The following MITF variants were observed in gnomAD, a reference collection of about 807,000 sequenced individuals.
MITF encodes the protein microphthalmia-associated transcription factor.
A neutral mutation model predicts 60.5 loss-of-function variants in MITF; 17 were observed. That is an observed-to-expected ratio of 0.28 (90% CI 0.19 to 0.42). The LOEUF is 0.42. MITF is among the 10% of genes least tolerant of loss of function. The probability of loss-of-function intolerance (pLI) is 1.00; values close to 1 mark genes in which losing one functional copy is unlikely to be tolerated. For synonymous variants in MITF, 260 were observed against 248.5 expected, an observed-to-expected ratio of 1.05 and a Z score of -0.43; for missense variants, 622 against 683.5, an observed-to-expected ratio of 0.91 and a Z score of 1.00.
At chr3:69,877,477 T>C (rs2064382049) in intron 1 of MITF, among the ~76,000 whole-genome samples, 1 of 152,122 alleles carries the variant, frequency 6.6e-6, no homozygotes, top group South Asian at 2.1e-4. Context: ...CCTTGGATCT[T>C]ACCTTAAATA....
In MITF at chr3:69,806,177, C is replaced by T. The variant is rs969865957; in HGVS notation, c.104+66476C>T. Among the ~76,000 whole-genome samples the T allele has an allele frequency of 4.6e-5, 7 of 151,512 alleles. 1 individual carries two copies. The highest frequency in any genetic ancestry group is 2.0e-4 in the Admixed American group (3 of 15,226). On this transcript the variant is annotated intron_variant, in intron 1 of 9. Transcript: ENST00000352241. ...TCGGCTCACTGCAACTTCTGCCTCC[C>T]GGGTTCAAGTGATTCTCCTGCCTCA...
At chr3:69,815,031 C>A (rs1223557639) in intron 1 of MITF, among the ~76,000 whole-genome samples, 1 of 152,138 alleles carries the variant, frequency 6.6e-6, no homozygotes, top group East Asian at 1.9e-4. Flanking sequence ...GGCTCGGGGC[C>A]TCAGGTTTAT....
At chr3:69,947,406 T>C in intron 5 of MITF, among the ~76,000 whole-genome samples, 1 of 152,218 alleles carries the variant, frequency 6.6e-6, no homozygotes, top group Non-Finnish European at 1.5e-5. Context: ...CCTTTCACTT[T>C]GCGTTAAATT....
chr3:69,764,617 T>C (rs1295142758), intron 1 of MITF, among the ~76,000 whole-genome samples: 1 of 152,192 alleles, frequency 6.6e-6, no homozygotes, highest in African/African-American at 2.4e-5. Flanking sequence ...GGAGTCTCAC[T>C]CCTGATTTTG....
intron 1 of MITF, among the ~76,000 whole-genome samples, chr3:69,821,690 T>TAAAAAAAAAAAAAAAAAAAAAAA (rs72371556): frequency 8.8e-6 from 1 of 113,238 alleles, no homozygotes. Context: ...AAAAAAAAAC[T>TAAAAAAAAAAAAAAAAAAAAAAA]AAAAAAAAAA....
intron 1 of MITF, among the ~76,000 whole-genome samples, chr3:69,777,056 C>T (rs1262918611): frequency 6.6e-6 from 1 of 152,162 alleles, no homozygotes; most frequent in Non-Finnish European, 1.5e-5. Flanking sequence ...GTCTTATAAT[C>T]ATGCATTTGC....
At chr3:69,742,897 A>G (rs1357979629) in intron 1 of MITF, among the ~76,000 whole-genome samples, 1 of 152,026 alleles carries the variant, frequency 6.6e-6, no homozygotes, top group African/African-American at 2.4e-5. Context: ...TTCTTTGTCC[A>G]GCTATATATT....
chr3:69,855,575 A>G (rs1193486343), intron 1 of MITF, among the ~76,000 whole-genome samples: 1 of 151,992 alleles, frequency 6.6e-6, no homozygotes, highest in Non-Finnish European at 1.5e-5. Flanking sequence ...TTTTTCAAGT[A>G]CAACACAAAA....
At chr3:69,821,941 C>T (rs2063282376) in intron 1 of MITF, among the ~76,000 whole-genome samples, 1 of 152,080 alleles carries the variant, frequency 6.6e-6, no homozygotes, top group Non-Finnish European at 1.5e-5. Context: ...TGGGGTTTCG[C>T]CATGTTGGCC....
chr3:69,743,597 A>G (rs947719538), intron 1 of MITF, among the ~76,000 whole-genome samples: 2 of 152,338 alleles, frequency 1.3e-5, no homozygotes, highest in Admixed American at 6.5e-5. Flanking sequence ...AAGGCTGTGT[A>G]TAGGAAGACA....
At position 69,801,950 on chromosome 3, in the gene MITF, A is replaced by G. The variant is rs114796994; in HGVS notation, c.104+62249A>G. On this transcript the variant is annotated intron_variant, in intron 1 of 9. Coordinates refer to ENST00000352241, the MANE Select transcript of MITF (RefSeq NM_001354604.2). ...GATTTGTCTCTATTCTGTGCCTGGCATGTAATAGGCCCTCAATAAACATGG... is the reference window on the plus strand; with the variant it reads ...GATTTGTCTCTATTCTGTGCCTGGCGTGTAATAGGCCCTCAATAAACATGG... Among the ~76,000 whole-genome samples the G allele has an allele frequency of 6.6e-3, 999 of 152,274 alleles. 8 individuals are homozygous for G. The highest frequency in any genetic ancestry group is 0.023 in the African/African-American group (942 of 41,556).
intron 2 of MITF, among the ~76,000 whole-genome samples, chr3:69,890,001 G>A (rs1446114139): frequency 2.0e-5 from 3 of 151,938 alleles, no homozygotes; most frequent in Non-Finnish European, 4.4e-5. Context: ...ATCACATAAT[G>A]ATTTACAATT....
chr3:69,825,987 A>G (rs1313124376), intron 1 of MITF, among the ~76,000 whole-genome samples: 4 of 152,252 alleles, frequency 2.6e-5, no homozygotes, highest in African/African-American at 4.8e-5. Context: ...TTTAGTCCAC[A>G]TTAAAAGAAT....
chr3:69,936,638 T>C lies in MITF; in HGVS notation c.355-1184T>C, dbSNP rs2065841495. On this transcript the variant is annotated intron_variant, in intron 2 of 9. Transcript: ENST00000352241. The stretch of plus-strand genomic sequence containing the variant: ...GTTTATAGTACCTTCTCTTTGCCAG[T>C]CCATCTTCAAATTGGAATTATAGAA... The C allele has an allele frequency of 2.5e-6, 4 of 1,595,302 alleles. No individual in the cohort carries two copies. In the Admixed American group the frequency reaches 6.9e-5, roughly 27 times the overall value.
chr3:69,858,843 A>G (rs1323210520), intron 1 of MITF, among the ~76,000 whole-genome samples: 2 of 152,150 alleles, frequency 1.3e-5, no homozygotes, highest in Non-Finnish European at 2.9e-5. Flanking sequence ...TTTGCCCTAG[A>G]ATTTAAAGTT....
At chr3:69,749,644 G>A (rs1703855710) in intron 1 of MITF, among the ~76,000 whole-genome samples, 1 of 152,198 alleles carries the variant, frequency 6.6e-6, no homozygotes, top group African/African-American at 2.4e-5. Flanking sequence ...CTTATGTGAA[G>A]CAATACCTAA....
chr3:69,789,762 G>A lies in MITF; in HGVS notation c.104+50061G>A, dbSNP rs188815228. On this transcript the variant is annotated intron_variant, in intron 1 of 9. Transcript: ENST00000352241. Reference sequence around the variant, plus strand: ...TCCCACATACTTGGGAGGCTGAGGCGTGCGAATTGCTTGAACCCAGGAGGC... The same window carrying A: ...TCCCACATACTTGGGAGGCTGAGGCATGCGAATTGCTTGAACCCAGGAGGC... Among the ~76,000 whole-genome samples, 51 of 152,160 alleles carry A rather than the reference G, an allele frequency of 3.4e-4. No individual in the cohort carries two copies. In the East Asian group the frequency reaches 4.1e-3, roughly 12 times the overall value.
intron 1 of MITF, among the ~76,000 whole-genome samples, chr3:69,835,298 A>G (rs544645765): frequency 1.3e-5 from 2 of 152,202 alleles, no homozygotes; most frequent in East Asian, 3.9e-4. Context: ...GATTGCAGGC[A>G]TGCACCCAGC....
chr3:69,746,541 G>A (rs575366661), intron 1 of MITF, among the ~76,000 whole-genome samples: 30 of 152,184 alleles, frequency 2.0e-4, no homozygotes, highest in African/African-American at 7.0e-4. Context: ...TGTGTGTGAG[G>A]TATAAAATGT....
Sources: gnomAD v4.1 joint callset for allele counts (sites outside exome capture counted in the v4.1 genomes callset) on GRCh38, gnomAD v4.1.1 for gene constraint, MANE v1.5 for transcripts, NCBI Gene and HGNC (gene_info 2026-07-23, HGNC 2026-07-21) for gene names.